The following NFIB variants were observed in gnomAD, a reference collection of about 807,000 sequenced individuals.
The protein encoded by NFIB is nuclear factor I B, also known as nuclear factor 1 B-type.
NFIB carries 11 observed loss-of-function variants against 61.5 expected under a neutral mutation model. That is an observed-to-expected ratio of 0.18 (90% CI 0.11 to 0.30). NFIB has a LOEUF of 0.30. NFIB is among the 10% of genes least tolerant of loss of function. The pLI, the probability that NFIB is intolerant of heterozygous loss-of-function variation, is 1.00. For missense variants in NFIB, 471 were observed against 608.9 expected (o/e 0.77, Z 2.38); for synonymous variants, 260 against 216.5 (o/e 1.20, Z -1.76).
chr9:14,510,391 A>C, the NFIB span, among the ~76,000 whole-genome samples: 1 of 152,218 alleles, frequency 6.6e-6, no homozygotes, highest in Admixed American at 6.5e-5. Flanking sequence ...ACCCCACACT[A>C]GAATAGACTC....
intron 9 of NFIB, among the ~76,000 whole-genome samples, chr9:14,113,391 G>A (rs566666968): frequency 6.6e-6 from 1 of 152,228 alleles, no homozygotes; most frequent in African/African-American, 2.4e-5. Context: ...ATAAATAGAA[G>A]GGCCCTGTTC....
At chr9:14,118,545 C>A (rs1380238681) in intron 8 of NFIB, among the ~76,000 whole-genome samples, 2 of 152,012 alleles carry the variant, frequency 1.3e-5, no homozygotes, top group Non-Finnish European at 2.9e-5. Context: ...GAATTGAGGG[C>A]TATTTTCTCC....
At chr9:14,296,025 C>A (rs2059422755) in intron 2 of NFIB, among the ~76,000 whole-genome samples, 1 of 152,206 alleles carries the variant, frequency 6.6e-6, no homozygotes, top group Non-Finnish European at 1.5e-5. Flanking sequence ...TGTGCCTACA[C>A]AAAGAGTTTT....
intron 4 of NFIB, among the ~76,000 whole-genome samples, chr9:14,151,594 A>G (rs761818437): frequency 6.6e-6 from 1 of 152,186 alleles, no homozygotes; most frequent in African/African-American, 2.4e-5. Flanking sequence ...GAATTGTCCA[A>G]GAAGTCTGCG....
the NFIB span, among the ~76,000 whole-genome samples, chr9:14,438,333 C>G: frequency 2.0e-4 from 30 of 152,326 alleles, no homozygotes; most frequent in South Asian, 5.4e-3. Flanking sequence ...GCTAAATAGT[C>G]TTACGTGTGA....
At chr9:14,344,682 G>GAATA (rs2060998154) in intron 1 of NFIB, among the ~76,000 whole-genome samples, 1 of 151,988 alleles carries the variant, frequency 6.6e-6, no homozygotes, top group African/African-American at 2.4e-5. Flanking sequence ...TGATTAACAA[G>GAATA]AATAAACGGG....
chr9:14,388,481 G>C (rs960023664), intron 1 of NFIB, among the ~76,000 whole-genome samples: 1 of 149,602 alleles, frequency 6.7e-6, no homozygotes, highest in Admixed American at 6.6e-5. Flanking sequence ...GAGAGAGAGA[G>C]AGAAAGAGAG....
chr9:14,380,271 C>A (rs984511164), intron 1 of NFIB, among the ~76,000 whole-genome samples: 1 of 152,130 alleles, frequency 6.6e-6, no homozygotes, highest in Non-Finnish European at 1.5e-5. Context: ...CAAGGGAAAG[C>A]CAGTTCAACC....
At chr9:14,322,549 C>T (rs946382133) in intron 1 of NFIB, among the ~76,000 whole-genome samples, 2 of 152,116 alleles carry the variant, frequency 1.3e-5, no homozygotes, top group Non-Finnish European at 2.9e-5. Context: ...AGTCGCCTCC[C>T]TGGCTTTCTC....
intron 2 of NFIB, among the ~76,000 whole-genome samples, chr9:14,211,570 G>C (rs1306474311): frequency 6.6e-6 from 1 of 152,224 alleles, no homozygotes; most frequent in Non-Finnish European, 1.5e-5. Context: ...GCACGGAACT[G>C]GACAAACTGC....
At chr9:14,138,571 T>C (rs1170345136) in intron 6 of NFIB, among the ~76,000 whole-genome samples, 2 of 152,118 alleles carry the variant, frequency 1.3e-5, no homozygotes, top group Non-Finnish European at 2.9e-5. Context: ...AAGTTCATTG[T>C]TCGAAATATT....
chr9:14,458,758 C>A, the NFIB span, among the ~76,000 whole-genome samples: 1 of 152,012 alleles, frequency 6.6e-6, no homozygotes, highest in African/African-American at 2.4e-5. Context: ...GAGTAAACTC[C>A]CATTCACAAT....
At chr9:14,452,350 G>A in the NFIB span, among the ~76,000 whole-genome samples, 1 of 148,718 alleles carries the variant, frequency 6.7e-6, no homozygotes, top group Non-Finnish European at 1.5e-5. Flanking sequence ...AGGAGGGAAA[G>A]TAGGAAGGAG....
intron 1 of NFIB, among the ~76,000 whole-genome samples, chr9:14,375,386 A>C (rs111751005): frequency 6.6e-6 from 1 of 152,212 alleles, no homozygotes; most frequent in Non-Finnish European, 1.5e-5. Context: ...GGCCAGGTGC[A>C]GTGGCTCATG....
intron 2 of NFIB, among the ~76,000 whole-genome samples, chr9:14,265,543 T>C (rs1235561210): frequency 2.6e-5 from 4 of 152,208 alleles, no homozygotes; most frequent in African/African-American, 9.6e-5. Flanking sequence ...AGTGCCTTGA[T>C]CTTGGCCTTC....
the NFIB span, among the ~76,000 whole-genome samples, chr9:14,406,985 T>C: frequency 6.6e-6 from 1 of 152,220 alleles, no homozygotes; most frequent in Non-Finnish European, 1.5e-5. Flanking sequence ...AGAGATTGCA[T>C]CAGTATTAAA....
chr9:14,361,024 T>A (rs1296511103), intron 1 of NFIB, among the ~76,000 whole-genome samples: 2 of 152,180 alleles, frequency 1.3e-5, no homozygotes, highest in Non-Finnish European at 2.9e-5. Context: ...ATGATTTACA[T>A]TCAGCATTTC....
chr9:14,373,648 G>GTA (rs2132978858), intron 1 of NFIB, among the ~76,000 whole-genome samples: 1 of 115,190 alleles, frequency 8.7e-6, no homozygotes, highest in South Asian at 2.7e-4. Context: ...ATGAGTGTGT[G>GTA]TGTGTGTGTG....
At chr9:14,109,790 AC>A (rs2037071649) in intron 10 of NFIB, among the ~76,000 whole-genome samples, 1 of 152,012 alleles carries the variant, frequency 6.6e-6, no homozygotes, top group Admixed American at 6.6e-5. Context: ...GTTTACATGA[AC>A]CTTTTTGAAA....
Sources: allele counts gnomAD v4.1 joint callset (sites outside exome capture counted in the v4.1 genomes callset), GRCh38; gene constraint gnomAD v4.1.1; transcripts MANE v1.5; gene names NCBI Gene and HGNC (gene_info 2026-07-23, HGNC 2026-07-21).